NLRC5: variants seen among roughly 807,000 people sequenced by gnomAD.
NLRC5 encodes NLR family CARD domain containing 5.
A neutral mutation model predicts 206.9 loss-of-function variants in NLRC5; 114 were observed. That is an observed-to-expected ratio of 0.55 (90% confidence interval 0.47 to 0.64). NLRC5 has a LOEUF of 0.64. Among genes scored for constraint, NLRC5 ranks in the 30% least tolerant of loss-of-function variants. The probability of loss-of-function intolerance (pLI) is 0.00; values close to 1 mark genes in which losing one functional copy is unlikely to be tolerated. For synonymous variants in NLRC5, 952 were observed against 962.8 expected, an observed-to-expected ratio of 0.99 and a Z score of 0.21; for missense variants, 2,008 against 2,305.5, an observed-to-expected ratio of 0.87 and a Z score of 2.64.
intron 15 of NLRC5, among the ~76,000 whole-genome samples, chr16:57,037,520 G>T (rs529115293): frequency 7.2e-5 from 11 of 152,168 alleles, no homozygotes; most frequent in Non-Finnish European, 1.5e-4. Flanking sequence ...CGCCTGGCAG[G>T]GTACAACCCC....
Position 57,020,893 on chromosome 16 carries a change from C to T in NLRC5, c.181C>T (p.Leu61=), listed in dbSNP as rs1288991124. ...GAGAGTCATCCTGCAACTCAACAAG[C>T]TGCATGTCCAGGGTTCGGACACCTG... The part of the protein sequence containing the change: ...EQRVILQLNK[L]HVQGSDTWQS... The change falls in exon 3 of 49, where the codon CTG becomes TTG. Residue 61 remains leucine, a synonymous_variant. Coordinates refer to ENST00000688547, the MANE Select transcript of NLRC5 (RefSeq NM_001384950.1). 1.9e-6 allele frequency: 3 copies of T among 1,613,982 alleles called. No homozygotes were observed. The Admixed American group carries it at 5.0e-5, about 27-fold the overall frequency.
At chr16:57,027,491 G>A (rs2061372888) in intron 6 of NLRC5, among the ~76,000 whole-genome samples, 1 of 152,206 alleles carries the variant, frequency 6.6e-6, no homozygotes, top group Non-Finnish European at 1.5e-5. Context: ...AAAAGGCTAG[G>A]CTGCAGTAAC....
At chr16:57,068,616 A>G (rs1242390508) in intron 36 of NLRC5, among the ~76,000 whole-genome samples, 1 of 152,188 alleles carries the variant, frequency 6.6e-6, no homozygotes, top group Non-Finnish European at 1.5e-5. Context: ...CGAATTTGCT[A>G]GAAATAAGGA....
chr16:57,059,080 C>T lies in NLRC5; in HGVS notation c.3920+19C>T. 1 of 1,613,610 alleles carries T rather than the reference C, an allele frequency of 6.2e-7. No homozygotes were observed. The highest frequency in any genetic ancestry group is 8.5e-7 in the Non-Finnish European group (1 of 1,179,998). The stretch of plus-strand genomic sequence containing the variant: ...CAGTGAAGTAAGGGGATGTTGGTCC[C>T]CGAAAAGCCCCTTTCTGCTGGCCAA... On this transcript the variant is annotated intron_variant, in intron 29 of 48. Coordinates refer to ENST00000688547, the MANE Select transcript of NLRC5 (RefSeq NM_001384950.1).
chr16:57,030,007 C>T lies in NLRC5; in HGVS notation c.2340C>T (p.Asn780=), dbSNP rs183543779. 46 of 1,614,174 alleles carry T rather than the reference C, an allele frequency of 2.8e-5. No homozygotes were observed. Among genetic ancestry groups the T allele is most frequent in the Middle Eastern group, 3.3e-4 (2 of 6,062 alleles). ...CACAATCTTGCAGCCTGAGCAGCAA[C>T]AGCATCTGCGTGTCAACCCTACTCT... ...PRLRKLDLSS[N]SICVSTLLCL... Residue 780 remains asparagine (N), a synonymous_variant, in exon 10 of 49, where the codon AAC becomes AAT. Transcript: ENST00000688547.
At chr16:56,990,934 C>T (rs1387678749) in intron 1 of NLRC5, 2 of 152,298 alleles carry the variant, frequency 1.3e-5, no homozygotes, top group African/African-American at 2.4e-5. Flanking sequence ...TCTCCTGAAG[C>T]ACATTGCCAG....
intron 4 of NLRC5, 152 bp from the exon 5 acceptor site, chr16:57,023,633 T>A (rs62035545): frequency 0.096 from 57,020 of 594,580 alleles, 3,064 homozygotes; most frequent in Middle Eastern, 0.1. Context: ...TGACCCAGCC[T>A]CTGCCTGCTG....
intron 24 of NLRC5, among the ~76,000 whole-genome samples, chr16:57,052,168 G>A (rs2065007043): frequency 6.6e-6 from 1 of 152,190 alleles, no homozygotes; most frequent in South Asian, 2.1e-4. Context: ...AGCTCAGACT[G>A]GTTAGAATTT....
chr16:57,068,685 T>C (rs1786845257), intron 36 of NLRC5, among the ~76,000 whole-genome samples: 1 of 152,234 alleles, frequency 6.6e-6, no homozygotes, highest in Non-Finnish European at 1.5e-5. Context: ...ATTGATACAC[T>C]ACTATTATCT....
At chr16:57,011,100 A>G (rs1041334381) in intron 1 of NLRC5, among the ~76,000 whole-genome samples, 2 of 152,070 alleles carry the variant, frequency 1.3e-5, no homozygotes, top group Admixed American at 1.3e-4. Flanking sequence ...AAATATACAC[A>G]TGCCACAGCT....
chr16:57,041,258 G>A (rs77326218), intron 17 of NLRC5: 3 of 531,582 alleles, frequency 5.6e-6, no homozygotes, highest in East Asian at 6.3e-5. Context: ...CTGTGCCTTG[G>A]TTTCCTTCCA....
intron 36 of NLRC5, among the ~76,000 whole-genome samples, 162 bp downstream of exon 36, chr16:57,067,990 C>T (rs534137361): frequency 4.1e-4 from 63 of 152,326 alleles, no homozygotes; most frequent in African/African-American, 1.5e-3. Context: ...GGTACCTAGT[C>T]GTAAACATGA....
chr16:57,018,165 T>C (rs2060280507), intron 2 of NLRC5, among the ~76,000 whole-genome samples: 2 of 152,228 alleles, frequency 1.3e-5, no homozygotes, highest in African/African-American at 4.8e-5. Flanking sequence ...CCCTGGACCA[T>C]TTCTTCATGG....
chr16:57,024,029 G>C (rs2060982249), intron 5 of NLRC5, among the ~76,000 whole-genome samples, 176 bp downstream of exon 5: 1 of 152,204 alleles, frequency 6.6e-6, no homozygotes, highest in African/African-American at 2.4e-5. Context: ...GAGAGGCCTG[G>C]GCTGGCAGCG....
intron 1 of NLRC5, among the ~76,000 whole-genome samples, chr16:57,008,213 C>A (rs1026357951): frequency 6.6e-6 from 1 of 152,102 alleles, no homozygotes; most frequent in Non-Finnish European, 1.5e-5. Flanking sequence ...CAGAGCAAGA[C>A]CCCGCCTCTA....
Position 57,070,536 on chromosome 16 carries a change from T to C in NLRC5, c.4585T>C (p.Leu1529=), listed in dbSNP as rs2144882716. 2 of 1,613,956 alleles carry C rather than the reference T, an allele frequency of 1.2e-6. No individual in the cohort carries two copies. Among genetic ancestry groups the C allele is most frequent in the East Asian group, 2.2e-5 (1 of 44,886 alleles). The change falls in exon 38 of 49, where the codon TTG becomes CTG. Residue 1529 remains leucine, a splice_region_variant and synonymous_variant. Transcript: ENST00000688547. ...TTGCCTCTGCCTGGTCTTCTGCAGC[T>C]TGTCTAACAATCAATTTGATGAGGA... ...GHCHHLEELD[L]SNNQFDEEGT... is the part of the protein sequence containing the mutation.
intron 19 of NLRC5, among the ~76,000 whole-genome samples, chr16:57,042,779 C>G (rs138032050): frequency 1.3e-5 from 2 of 152,136 alleles, no homozygotes; most frequent in Non-Finnish European, 2.9e-5. Flanking sequence ...AAATTGCAGG[C>G]GTGGCCTCTG....
chr16:57,035,334 T>G (rs2062412719), intron 13 of NLRC5, among the ~76,000 whole-genome samples: 1 of 152,274 alleles, frequency 6.6e-6, no homozygotes, highest in South Asian at 2.1e-4. Context: ...CACTTCCACC[T>G]GGCAGAGAGT....
At chr16:57,059,239 C>T in intron 29 of NLRC5, 178 bp downstream of exon 29, 2 of 1,481,254 alleles carry the variant, frequency 1.4e-6, no homozygotes, top group Non-Finnish European at 1.8e-6. Flanking sequence ...ATTTCTATCC[C>T]CTGATGCCCG....
Sources: gnomAD v4.1 joint callset for allele counts (sites outside exome capture counted in the v4.1 genomes callset) on GRCh38, gnomAD v4.1.1 for gene constraint, MANE v1.5 for transcripts, NCBI Gene and HGNC (gene_info 2026-07-23, HGNC 2026-07-21) for gene names.